The following BRD10 variants were observed in gnomAD, a reference collection of about 807,000 sequenced individuals.
BRD10 encodes bromodomain containing 10.
the BRD10 span, among the ~76,000 whole-genome samples, chr9:5,971,526 T>C: frequency 6.6e-6 from 1 of 152,196 alleles, no homozygotes; most frequent in Non-Finnish European, 1.5e-5. Context: ...GATAAATACA[T>C]AAATAGTAAG....
the BRD10 span, among the ~76,000 whole-genome samples, chr9:5,948,843 T>G: frequency 6.6e-6 from 1 of 152,120 alleles, no homozygotes; most frequent in South Asian, 2.1e-4. Flanking sequence ...AATTCAAAAT[T>G]TATATTGTAT....
At chr9:5,891,871 G>A in the BRD10 span, among the ~76,000 whole-genome samples, 21 of 152,302 alleles carry the variant, frequency 1.4e-4, no homozygotes, top group Non-Finnish European at 1.5e-4. Flanking sequence ...CCCTGTGTGG[G>A]GTGGTTTCCT....
chr9:5,922,866 C>G, the BRD10 span: 1 of 1,613,902 alleles, frequency 6.2e-7, no homozygotes, highest in Admixed American at 1.7e-5. Context: ...GGGCTTGCTT[C>G]CGGAGGAGAT....
the BRD10 span, among the ~76,000 whole-genome samples, chr9:6,000,602 T>G: frequency 1.3e-5 from 2 of 152,204 alleles, no homozygotes; most frequent in African/African-American, 4.8e-5. Context: ...TTAGGACATT[T>G]TTATTGTCTT....
chr9:5,949,447 T>G, the BRD10 span, among the ~76,000 whole-genome samples: 1 of 152,230 alleles, frequency 6.6e-6, no homozygotes, highest in East Asian at 1.9e-4. Flanking sequence ...AGTACTTTAT[T>G]TCTTATCCCT....
the BRD10 span, among the ~76,000 whole-genome samples, chr9:5,879,951 G>A: frequency 9.3e-4 from 142 of 152,208 alleles, no homozygotes; most frequent in African/African-American, 3.4e-3. Context: ...ACAGAATCTC[G>A]CTCTGTCTCC....
At chr9:5,909,087 C>T in the BRD10 span, 4 of 261,798 alleles carry the variant, frequency 1.5e-5, no homozygotes, top group African/African-American at 6.8e-5. Flanking sequence ...GAACCTTGAC[C>T]GACATGAACT....
At chr9:5,925,424 T>A in the BRD10 span, among the ~76,000 whole-genome samples, 1 of 151,772 alleles carries the variant, frequency 6.6e-6, no homozygotes, top group Non-Finnish European at 1.5e-5. Context: ...GAATAAAGAT[T>A]TGAACATACC....
At chr9:5,918,908 T>A in the BRD10 span, 1 of 152,400 alleles carries the variant, frequency 6.6e-6, no homozygotes, top group Non-Finnish European at 1.5e-5. Context: ...GTGCTAGCTC[T>A]AATTCAAATT....
At chr9:5,976,806 G>A in the BRD10 span, among the ~76,000 whole-genome samples, 1 of 151,908 alleles carries the variant, frequency 6.6e-6, no homozygotes, top group Non-Finnish European at 1.5e-5. Context: ...GAATCCTGAA[G>A]GCAGTGCATA....
the BRD10 span, among the ~76,000 whole-genome samples, chr9:5,951,864 CCGTGGTATT>C: frequency 1.3e-5 from 2 of 152,084 alleles, no homozygotes; most frequent in African/African-American, 4.8e-5. Flanking sequence ...ATGAGTAATG[CCGTGGTATT>C]CATATTGTAA....
the BRD10 span, chr9:5,906,907 C>G: frequency 9.5e-6 from 15 of 1,585,990 alleles, no homozygotes; most frequent in African/African-American, 1.4e-5. Context: ...CATGTTGGCA[C>G]TCAATGTGCC....
At chr9:5,896,039 A>C in the BRD10 span, among the ~76,000 whole-genome samples, 1 of 152,208 alleles carries the variant, frequency 6.6e-6, no homozygotes, top group Non-Finnish European at 1.5e-5. Context: ...TCAGTTCAGG[A>C]AAGAGTGACT....
the BRD10 span, among the ~76,000 whole-genome samples, chr9:5,887,448 AGAAC>A: frequency 6.6e-6 from 1 of 152,168 alleles, no homozygotes; most frequent in African/African-American, 2.4e-5. Flanking sequence ...ACATCACCAG[AGAAC>A]TTGAATGAGA....
At chr9:6,006,798 T>C in the BRD10 span, among the ~76,000 whole-genome samples, 3 of 152,372 alleles carry the variant, frequency 2.0e-5, no homozygotes, top group East Asian at 5.8e-4. Flanking sequence ...AAATTATTTT[T>C]CTAGAGATAT....
At chr9:5,975,133 C>A in the BRD10 span, among the ~76,000 whole-genome samples, 14 of 151,974 alleles carry the variant, frequency 9.2e-5, no homozygotes, top group Non-Finnish European at 1.8e-4. Flanking sequence ...AAATGATACA[C>A]ATATTAGAAC....
chr9:5,908,869 T>C, the BRD10 span: 20 of 613,542 alleles, frequency 3.3e-5, no homozygotes, highest in East Asian at 5.0e-4. Context: ...CCGCTAGCAG[T>C]ACTAATCATG....
the BRD10 span, chr9:5,968,360 C>T: frequency 1.2e-6 from 2 of 1,610,684 alleles, no homozygotes; most frequent in Admixed American, 1.7e-5. Flanking sequence ...AATCTTTATT[C>T]TGGAAGCTTC....
chr9:5,897,409 A>G, the BRD10 span: 1 of 688,408 alleles, frequency 1.5e-6, no homozygotes, highest in South Asian at 1.7e-5. Flanking sequence ...TGGGGTGCCC[A>G]GTGTGGGAGG....
Sources: gnomAD v4.1 joint callset for allele counts (sites outside exome capture counted in the v4.1 genomes callset) on GRCh38, gnomAD v4.1.1 for gene constraint, MANE v1.5 for transcripts, NCBI Gene and HGNC (gene_info 2026-07-23, HGNC 2026-07-21) for gene names.